TMEFF1: variants seen among roughly 807,000 people sequenced by gnomAD.
TMEFF1 encodes transmembrane protein with EGF like and two follistatin like domains 1.
In TMEFF1, 20 loss-of-function variants were observed where a neutral mutation model predicts 47.5. The ratio of observed to expected loss-of-function variants is 0.42; its 90% CI spans 0.30 to 0.61. The LOEUF (loss-of-function observed/expected upper bound fraction) is 0.61, where lower values mean the gene tolerates loss of function less well. Ranked by LOEUF, TMEFF1 falls within the 20% of genes least tolerant of loss-of-function variation. TMEFF1 has a pLI of 0.19. For missense variants in TMEFF1, 411 were observed against 471.1 expected (o/e 0.87, Z 1.18); for synonymous variants, 162 against 166.3 (o/e 0.97, Z 0.20).
chr9:100,476,786 T>A (rs1458619154), intron 1 of TMEFF1, among the ~76,000 whole-genome samples: 2 of 147,472 alleles, frequency 1.4e-5, no homozygotes, highest in African/African-American at 5.1e-5. Context: ...AAGCTCCGCC[T>A]CCCGGGTTCG....
chr9:100,554,971 G>A (rs1250496245), intron 7 of TMEFF1, among the ~76,000 whole-genome samples: 1 of 152,122 alleles, frequency 6.6e-6, no homozygotes. Flanking sequence ...GACCAGGACA[G>A]ATAGCCAGTG....
intron 1 of TMEFF1, among the ~76,000 whole-genome samples, chr9:100,484,718 C>T (rs1220842803): frequency 6.9e-6 from 1 of 145,476 alleles, no homozygotes; most frequent in African/African-American, 2.6e-5. Flanking sequence ...TTTTTTGAAA[C>T]AGTCTCTATC....
At chr9:100,511,966 A>G (rs925814445) in intron 3 of TMEFF1, among the ~76,000 whole-genome samples, 1 of 152,206 alleles carries the variant, frequency 6.6e-6, no homozygotes, top group Non-Finnish European at 1.5e-5. Context: ...TGAGATTTTT[A>G]TATTTATTAA....
intron 1 of TMEFF1, among the ~76,000 whole-genome samples, chr9:100,496,216 A>G (rs531981184): frequency 1.2e-4 from 18 of 152,276 alleles, no homozygotes; most frequent in African/African-American, 4.1e-4. Flanking sequence ...GCTCAGGATC[A>G]CTTCTCTTGT....
rs563110813 is a variant in TMEFF1, at chr9:100,530,557, A to G, written c.560+13786A>G. Among the ~76,000 whole-genome samples the G allele has an allele frequency of 1.9e-3, 289 of 152,348 alleles. 1 individual carries two copies. The highest frequency in any genetic ancestry group is 0.011 in the South Asian group (51 of 4,826). On this transcript the variant is annotated intron_variant, in intron 5 of 9. Coordinates refer to ENST00000374879, the MANE Select transcript of TMEFF1 (RefSeq NM_003692.5). ...TCAGGAAGAAGTTGAATCTCTGAAT[A>G]GACCAATAACAGGATCTGAAATTGT...
At chr9:100,572,493 G>T in intron 8 of TMEFF1, 25 bp from the exon 9 acceptor site, 2 of 1,537,670 alleles carry the variant, frequency 1.3e-6, no homozygotes, top group South Asian at 1.3e-5. Flanking sequence ...ATTTTCATAG[G>T]AATATATATA....
intron 1 of TMEFF1, among the ~76,000 whole-genome samples, chr9:100,491,001 T>G (rs1837543758): frequency 6.6e-6 from 1 of 152,058 alleles, no homozygotes; most frequent in Admixed American, 6.6e-5. Context: ...TCACAGTGCC[T>G]GGCAGGTTTT....
chr9:100,539,315 C>T (rs989261247), intron 5 of TMEFF1, among the ~76,000 whole-genome samples: 4 of 152,184 alleles, frequency 2.6e-5, no homozygotes, highest in Admixed American at 6.5e-5. Context: ...TCCCAGTAAG[C>T]TTTCCTACTG....
chr9:100,494,402 T>G (rs1837614451), intron 1 of TMEFF1, among the ~76,000 whole-genome samples: 1 of 152,106 alleles, frequency 6.6e-6, no homozygotes, highest in African/African-American at 2.4e-5. Context: ...GTGTGACCAG[T>G]GGTGGCTTAT....
At chr9:100,483,767 C>T (rs541148956) in intron 1 of TMEFF1, among the ~76,000 whole-genome samples, 2 of 151,206 alleles carry the variant, frequency 1.3e-5, no homozygotes, top group African/African-American at 4.9e-5. Context: ...TACTCTTTCT[C>T]TCTCTATCGT....
chr9:100,477,221 C>T (rs749501382), intron 1 of TMEFF1, among the ~76,000 whole-genome samples: 2 of 152,108 alleles, frequency 1.3e-5, no homozygotes, highest in African/African-American at 4.8e-5. Context: ...TGGAACCCTG[C>T]GACATATTAC....
chr9:100,511,318 G>A (rs1837960977), intron 3 of TMEFF1, among the ~76,000 whole-genome samples: 1 of 152,158 alleles, frequency 6.6e-6, no homozygotes, highest in African/African-American at 2.4e-5. Context: ...GCAGCAAAGT[G>A]GTAGATTGGG....
At chr9:100,522,732 G>A (rs913838689) in intron 5 of TMEFF1, among the ~76,000 whole-genome samples, 6 of 149,974 alleles carry the variant, frequency 4.0e-5, no homozygotes, top group South Asian at 4.2e-4. Context: ...ACTGCACCTG[G>A]CCTTCCAGAA....
At chr9:100,547,274 C>T (rs1007125541) in intron 5 of TMEFF1, among the ~76,000 whole-genome samples, 1 of 152,072 alleles carries the variant, frequency 6.6e-6, no homozygotes, top group African/African-American at 2.4e-5. Flanking sequence ...CCTTGGCCTC[C>T]CGAAGTGTTG....
At chr9:100,514,598 C>A (rs530027350) in intron 4 of TMEFF1, among the ~76,000 whole-genome samples, 2 of 151,864 alleles carry the variant, frequency 1.3e-5, no homozygotes, top group Non-Finnish European at 2.9e-5. Flanking sequence ...TGCCTAAAAT[C>A]CCAGAACTTT....
chr9:100,536,968 TATGA>T (rs1329333803), intron 5 of TMEFF1, among the ~76,000 whole-genome samples: 1 of 152,242 alleles, frequency 6.6e-6, no homozygotes, highest in Non-Finnish European at 1.5e-5. Flanking sequence ...TTGTCAACAT[TATGA>T]ATATGTCAGT....
intron 8 of TMEFF1, among the ~76,000 whole-genome samples, chr9:100,567,559 C>G (rs1398408701): frequency 6.6e-6 from 1 of 152,116 alleles, no homozygotes; most frequent in East Asian, 1.9e-4. Flanking sequence ...TGATACATCC[C>G]AAATGCTCAC....
chr9:100,516,349 C>T (rs1838073472), intron 4 of TMEFF1, among the ~76,000 whole-genome samples: 1 of 152,076 alleles, frequency 6.6e-6, no homozygotes. Context: ...TGTATTGCTC[C>T]TGTCTCTTTT....
intron 5 of TMEFF1, among the ~76,000 whole-genome samples, chr9:100,527,140 C>A (rs1201799889): frequency 2.7e-5 from 4 of 149,312 alleles, no homozygotes; most frequent in Admixed American, 6.7e-5. Flanking sequence ...GAAACTCTGT[C>A]TTAAAAAAAA....
Sources: allele counts gnomAD v4.1 joint callset (sites outside exome capture counted in the v4.1 genomes callset), GRCh38; gene constraint gnomAD v4.1.1; transcripts MANE v1.5; gene names NCBI Gene and HGNC (gene_info 2026-07-23, HGNC 2026-07-21).